The following PLD4 variants were observed in gnomAD, a reference collection of about 807,000 sequenced individuals.
PLD4 encodes the protein 5'-3' exonuclease PLD4.
Under a neutral mutation model 52.3 loss-of-function variants are expected in PLD4, and 54 were observed. The observed-to-expected ratio is 1.03, with a 90% confidence interval of 0.83 to 1.30. PLD4 has a LOEUF of 1.30. Among genes scored for constraint, PLD4 ranks in the 50% most tolerant of loss-of-function variants. The probability of loss-of-function intolerance (pLI) is 0.00; values close to 1 mark genes in which losing one functional copy is unlikely to be tolerated. For missense variants in PLD4, 731 were observed against 671.1 expected (o/e 1.09, Z -0.99); for synonymous variants, 264 against 286.5 (o/e 0.92, Z 0.79).
chr14:104,925,773 G>T (rs563544076), intron 1 of PLD4, among the ~76,000 whole-genome samples: 5 of 152,038 alleles, frequency 3.3e-5, no homozygotes, highest in African/African-American at 2.4e-5. Flanking sequence ...TCTGTGGGGT[G>T]GGGGGAGCAT....
chr14:104,930,243 C>G, intron 6 of PLD4, 138 bp downstream of exon 6: 1 of 1,175,552 alleles, frequency 8.5e-7, no homozygotes, highest in Non-Finnish European at 1.2e-6. Context: ...GTAGAAACAA[C>G]CGGAGACTGG....
chr14:104,931,676 G>C, intron 7 of PLD4, 72 bp from the exon 8 acceptor site: 1 of 1,516,540 alleles, frequency 6.6e-7, no homozygotes, highest in Non-Finnish European at 8.8e-7. Context: ...CTCTTAGGTG[G>C]TGCATGGTGG....
rs1157426791 is a variant in PLD4, at chr14:104,928,938, C to A, written c.468+6C>A. Reference sequence around the variant, plus strand: ...ACGACTCGTCTTCCCAGCTGGTGCGCCCCGCCCTGGCCCCACCGCATCCTG... The same window carrying A: ...ACGACTCGTCTTCCCAGCTGGTGCGACCCGCCCTGGCCCCACCGCATCCTG... On this transcript the variant is annotated splice_donor_region_variant and intron_variant, in intron 4 of 10. Transcript: ENST00000392593. The A allele has an allele frequency of 6.3e-7, 1 of 1,590,690 alleles. No homozygotes were observed. The highest frequency in any genetic ancestry group is 2.3e-5 in the East Asian group (1 of 44,298).
At chr14:104,929,448 G>A in intron 5 of PLD4, 21 bp downstream of exon 5, 1 of 1,537,494 alleles carries the variant, frequency 6.5e-7, no homozygotes, top group Non-Finnish European at 8.8e-7. Flanking sequence ...GCACCATGCT[G>A]GGCACCACTG....
At position 104,932,080 on chromosome 14, in the gene PLD4, T is replaced by C. The variant is rs1355702535; in HGVS notation, c.1127T>C (p.Leu376Pro). 4.3e-6 allele frequency: 7 copies of C among 1,609,800 alleles called. No homozygotes were observed. Among genetic ancestry groups the C allele is most frequent in the Non-Finnish European group, 5.1e-6 (6 of 1,179,122 alleles). ...AFGKGVRVRL[L>P]VGCGLNTDPT... The stretch of plus-strand genomic sequence containing the variant: ...GGCAAGGGCGTGCGCGTGCGCCTGC[T>C]GGTCGGCTGCGGACTCAACACGGAC... Residue 376 changes from leucine (L) to proline (P), a missense_variant, in exon 9 of 11, where the codon CTG becomes CCG. Physicochemically the swap from Leu to Pro is moderately conservative, Grantham distance 98. Transcript: ENST00000392593. This position sits in a 1 kb window ranked among gnomAD's most constrained non-coding sequence, Gnocchi z 6.5.
In PLD4 at chr14:104,927,829, C is replaced by G. The variant is rs762159389; in HGVS notation, c.247C>G (p.Leu83Val). The G allele has an allele frequency of 6.3e-7, 1 of 1,588,640 alleles. No homozygotes were observed. Among genetic ancestry groups the G allele is most frequent in the Non-Finnish European group, 8.5e-7 (1 of 1,171,344 alleles). ...EHGSSPAWEP[L>V]EAEARQQRDS... is the part of the protein sequence containing the mutation. The stretch of plus-strand genomic sequence containing the variant: ...TGGCTCCAGCCCAGCTTGGGAGCCC[C>G]TGGAAGCAGAGGCCAGGCAGCAGAG... The change falls in exon 3 of 11, where the codon CTG (leucine) becomes GTG (valine). Residue 83 changes from leucine to valine, a missense_variant. Physicochemically the swap from Leu to Val is conservative, Grantham distance 32. Coordinates refer to ENST00000392593, the MANE Select transcript of PLD4 (RefSeq NM_138790.5).
Position 104,930,733 on chromosome 14 carries a change from TC to T in PLD4, c.718-6del. ...TTTCTCCCACAGCGCCTGACTTTGG[TC>T]CCTGCAGGTGAAGGAGCTTGGCGCT... is the stretch of plus-strand genomic sequence containing the variant. On this transcript the variant is annotated splice_polypyrimidine_tract_variant and splice_region_variant and intron_variant, in intron 6 of 10. Transcript: ENST00000392593. 6.2e-7 allele frequency: 1 copy of T among 1,613,072 alleles called. No individual in the cohort carries two copies. The highest frequency in any genetic ancestry group is 1.3e-5 in the African/African-American group (1 of 75,044).
In PLD4 at chr14:104,933,154, C is replaced by T; in HGVS notation, c.*190C>T. ...TTCCGAGTCCAGCCCCCCCTGAGCC[C>T]CACCTCCTCCAGGGAGCCCTCCAGG... On this transcript the variant is annotated 3_prime_UTR_variant, in exon 11 of 11. Transcript: ENST00000392593. The T allele has an allele frequency of 1.6e-6, 1 of 619,900 alleles. No individual in the cohort carries two copies. The highest frequency in any genetic ancestry group is 2.6e-6 in the Non-Finnish European group (1 of 379,320). The allele number at this position is 619,900 out of a possible 1,614,324, so 38.4% of individuals were successfully genotyped here.
In PLD4 at chr14:104,933,008, CT is replaced by C; in HGVS notation, c.*45del. On this transcript the variant is annotated 3_prime_UTR_variant, in exon 11 of 11. Coordinates refer to ENST00000392593, the MANE Select transcript of PLD4 (RefSeq NM_138790.5). Reference sequence around the variant, plus strand: ...TCGGCGACCCCGCCCCGCACGCGCCCTCCCCTCTGACCCCGGCCTGGGCTTC... The same window carrying C: ...TCGGCGACCCCGCCCCGCACGCGCCCCCCCTCTGACCCCGGCCTGGGCTTC... 1 of 1,506,960 alleles carries C rather than the reference CT, an allele frequency of 6.6e-7. No individual in the cohort carries two copies. The highest frequency in any genetic ancestry group is 8.9e-7 in the Non-Finnish European group (1 of 1,128,428). 93.3% of individuals were successfully genotyped at this position (1,506,960 alleles called of 1,614,324 possible). A position where few individuals can be genotyped will look rare whatever the true frequency, so the allele number is the denominator to read the frequency against.
rs1309484231 is a variant in PLD4, at chr14:104,932,006, C to T, written c.1059-6C>T. The T allele has an allele frequency of 1.3e-5, 21 of 1,579,576 alleles. No individual in the cohort carries two copies. The Admixed American group carries it at 3.2e-4, about 24-fold the overall frequency. On this transcript the variant is annotated splice_region_variant and splice_polypyrimidine_tract_variant and intron_variant, in intron 8 of 10. Coordinates refer to ENST00000392593, the MANE Select transcript of PLD4 (RefSeq NM_138790.5). This position sits in a 1 kb window ranked among gnomAD's most constrained non-coding sequence, Gnocchi z 6.5. ...TAAGCAGAGCCCCGTCCCTCCCCAC[C>T]CCAAGGTACTGGCCGGTGCTGGACA...
Position 104,927,238 on chromosome 14 carries a change from T to TG in PLD4, c.90+14dup, listed in dbSNP as rs1897486565. On this transcript the variant is annotated intron_variant, in intron 2 of 10. Transcript: ENST00000392593. ...GACAGAGAGGCTGGCACGGTAGGAC[T>TG]GGGGGGCCCCAGGGGGGAGGTGGCT... 5 of 1,535,546 alleles carry TG rather than the reference T, an allele frequency of 3.3e-6. No homozygotes were observed. Among genetic ancestry groups the TG allele is most frequent in the African/African-American group, 1.4e-5 (1 of 72,380 alleles).
downstream of PLD4, chr14:104,936,289 G>C (rs756255810): frequency 6.6e-6 from 1 of 152,228 alleles, no homozygotes; most frequent in Non-Finnish European, 1.5e-5. Context: ...AGTAGAGAAG[G>C]CAGGAAGCCC....
chr14:104,929,023 CG>C, intron 4 of PLD4, 91 bp downstream of exon 4: 2 of 1,449,178 alleles, frequency 1.4e-6, no homozygotes, highest in Non-Finnish European at 1.9e-6. Flanking sequence ...GCACCAGGCC[CG>C]GGGGCTCAGC....
Position 104,927,171 on chromosome 14 carries a change from GC to G in PLD4, c.36del (p.Thr13HisfsTer225). MLKPLWKAAVAPTWPCSMPPR... is the reference protein window; with the variant it reads MLKPLWKAAVXPTWPCSMPPR... The stretch of plus-strand genomic sequence containing the variant: ...GAAGCCTCTTTGGAAAGCAGCAGTG[GC>G]CCCCACATGGCCATGCTCCATGCCG... On this transcript the variant is annotated frameshift_variant, in exon 2 of 11. Coordinates refer to ENST00000392593, the MANE Select transcript of PLD4 (RefSeq NM_138790.5). LOFTEE classifies it high-confidence loss of function. 6.4e-7 allele frequency: 1 copy of G among 1,561,608 alleles called. No individual in the cohort carries two copies. Among genetic ancestry groups the G allele is most frequent in the Non-Finnish European group, 8.7e-7 (1 of 1,153,220 alleles).
At chr14:104,930,177 C>T in intron 6 of PLD4, 72 bp downstream of exon 6, 1 of 1,585,590 alleles carries the variant, frequency 6.3e-7, no homozygotes, top group Non-Finnish European at 8.6e-7. Context: ...GGGACTTGGC[C>T]TGACATCTCA....
rs1897711973 is a variant in PLD4 at position 104,933,003 on chromosome 14, G to C, written c.*39G>C. On this transcript the variant is annotated 3_prime_UTR_variant, in exon 11 of 11. Transcript: ENST00000392593. ...TTCTCTCGGCGACCCCGCCCCGCAC[G>C]CGCCCTCCCCTCTGACCCCGGCCTG... is the stretch of plus-strand genomic sequence containing the variant. 6.6e-7 allele frequency: 1 copy of C among 1,514,218 alleles called. No individual in the cohort carries two copies. The highest frequency in any genetic ancestry group is 8.8e-7 in the Non-Finnish European group (1 of 1,132,454). 93.8% of individuals were successfully genotyped at this position (1,514,218 alleles called of 1,614,324 possible). A position where few individuals can be genotyped will look rare whatever the true frequency, so the allele number is the denominator to read the frequency against.
chr14:104,933,084 C>T lies in PLD4; in HGVS notation c.*120C>T. 2.5e-6 allele frequency: 3 copies of T among 1,205,336 alleles called. No homozygotes were observed. The Admixed American group carries it at 9.7e-5, about 39-fold the overall frequency. The allele number at this position is 1,205,336 out of a possible 1,614,324, so 74.7% of individuals were successfully genotyped here. A position where few individuals can be genotyped will look rare whatever the true frequency, so the allele number is the denominator to read the frequency against. On this transcript the variant is annotated 3_prime_UTR_variant, in exon 11 of 11. Transcript: ENST00000392593. ...CGGGTCCGCACTGCGCCAGGAGCCG[C>T]CTGCGACCGCCCGGGCGTCGCAAAC... is the stretch of plus-strand genomic sequence containing the variant.
Position 104,933,138 on chromosome 14 carries a change from C to A in PLD4, c.*174C>A. 1 of 715,230 alleles carries A rather than the reference C, an allele frequency of 1.4e-6. No homozygotes were observed. Among genetic ancestry groups the A allele is most frequent in the Non-Finnish European group, 2.2e-6 (1 of 463,340 alleles). 44.3% of individuals were successfully genotyped at this position (715,230 alleles called of 1,614,324 possible). ...CCGCCTGCTCTCTGATTTCCGAGTC[C>A]AGCCCCCCCTGAGCCCCACCTCCTC... On this transcript the variant is annotated 3_prime_UTR_variant, in exon 11 of 11. Transcript: ENST00000392593.
At position 104,928,285 on chromosome 14, in the gene PLD4, C is replaced by T. The variant is rs114550853; in HGVS notation, c.284+419C>T. ...CCATCCTGCACACATCCCCTGGAAA[C>T]GGGAGCTTACCTGCCCCTGGCCCAA... On this transcript the variant is annotated intron_variant, in intron 3 of 10. Transcript: ENST00000392593. 2.5e-4 allele frequency among the ~76,000 whole-genome samples: 38 copies of T among 152,284 alleles called. 1 individual carries two copies. The highest frequency in any genetic ancestry group is 9.1e-4 in the African/African-American group (38 of 41,558).
Sources: gnomAD v4.1 joint callset for allele counts (sites outside exome capture counted in the v4.1 genomes callset) on GRCh38, gnomAD v4.1.1 for gene constraint, Gnocchi (gnomAD v3.1) non-coding constraint, MANE v1.5 for transcripts, NCBI Gene and HGNC (gene_info 2026-07-23, HGNC 2026-07-21) for gene names.